The following NLGN1 variants were observed in gnomAD, a reference collection of about 807,000 sequenced individuals.
NLGN1 encodes neuroligin-1.
NLGN1 carries 12 observed loss-of-function variants against 65.5 expected under a neutral mutation model. That is an observed-to-expected ratio of 0.18 (90% CI 0.12 to 0.30). NLGN1 has a LOEUF of 0.30. NLGN1 is among the 10% of genes least tolerant of loss of function. The probability of loss-of-function intolerance (pLI) is 1.00; values close to 1 mark genes in which losing one functional copy is unlikely to be tolerated. For synonymous variants in NLGN1, 350 were observed against 359.5 expected (o/e 0.97, Z 0.30); for missense variants, 750 against 1,007.1 (o/e 0.74, Z 3.46).
chr3:173,997,383 C>G (rs999603384), intron 4 of NLGN1, among the ~76,000 whole-genome samples: 5 of 152,236 alleles, frequency 3.3e-5, no homozygotes, highest in African/African-American at 1.2e-4. Context: ...GATTCTGCAT[C>G]TTTCAAATAT....
chr3:174,291,011 G>A, downstream of NLGN1, among the ~76,000 whole-genome samples: 1 of 148,710 alleles, frequency 6.7e-6, no homozygotes. Context: ...ACTCAAGAAA[G>A]AATTATAAAT....
At chr3:173,583,380 G>GTGTT (rs1746702926) in intron 2 of NLGN1, among the ~76,000 whole-genome samples, 1 of 152,180 alleles carries the variant, frequency 6.6e-6, no homozygotes. Context: ...TTACCCCTTA[G>GTGTT]TGTTAATAGA....
In NLGN1 at chr3:173,749,678, A is replaced by T. The variant is rs570975474; in HGVS notation, c.494-58002A>T. Among the ~76,000 whole-genome samples, 8 of 152,234 alleles carry T rather than the reference A, an allele frequency of 5.3e-5. No homozygotes were observed. The East Asian group carries it at 5.8e-4, about 11-fold the overall frequency. On this transcript the variant is annotated intron_variant, in intron 3 of 6. Coordinates refer to ENST00000457714, the Ensembl canonical transcript of NLGN1. Reference sequence around the variant, plus strand: ...TAAATAGTGCTTCTAACCAAAAAAAAAATAATATTAACATATACACATACA... The same window carrying T: ...TAAATAGTGCTTCTAACCAAAAAAATAATAATATTAACATATACACATACA...
chr3:174,286,914 AAAG>A (rs1489690328), downstream of NLGN1, among the ~76,000 whole-genome samples: 2 of 151,512 alleles, frequency 1.3e-5, no homozygotes, highest in African/African-American at 4.8e-5. Context: ...AAGAATGGAA[AAAG>A]GAGGAAGTGA....
At chr3:173,543,933 A>G (rs1439439302) in intron 2 of NLGN1, among the ~76,000 whole-genome samples, 3 of 152,186 alleles carry the variant, frequency 2.0e-5, no homozygotes, top group African/African-American at 7.2e-5. Flanking sequence ...GATAGAAGTC[A>G]GGGAAGACTT....
rs190029284 is a variant in NLGN1 at position 174,069,720 on chromosome 3, A to G, written c.647-205595A>G. ...CAACTTCTGCCCTGAATGTAAAAAG[A>G]AGATGAGGAAATCATCTCAGGGTGT... On this transcript the variant is annotated intron_variant, in intron 4 of 6. Transcript: ENST00000457714. 5.4e-4 allele frequency among the ~76,000 whole-genome samples: 82 copies of G among 152,286 alleles called. 1 individual carries two copies. Among genetic ancestry groups the G allele is most frequent in the African/African-American group, 1.8e-3 (75 of 41,578 alleles).
At chr3:173,668,673 G>C (rs1296878478) in intron 3 of NLGN1, among the ~76,000 whole-genome samples, 1 of 149,856 alleles carries the variant, frequency 6.7e-6, no homozygotes, top group African/African-American at 2.5e-5. Flanking sequence ...AGGCTGGATG[G>C]AGTGCAGTGG....
intron 4 of NLGN1, among the ~76,000 whole-genome samples, chr3:173,980,416 T>A (rs951057548): frequency 1.3e-5 from 2 of 152,144 alleles, no homozygotes; most frequent in Non-Finnish European, 2.9e-5. Flanking sequence ...TTTATGTCTA[T>A]CATTTTTAAT....
exon 5 of NLGN1, chr3:174,275,454 T>G: frequency 6.2e-7 from 1 of 1,612,692 alleles, no homozygotes; most frequent in Non-Finnish European, 8.5e-7. Context: ...GATCTGGTGC[T>G]GGGGGTTCAT....
intron 2 of NLGN1, among the ~76,000 whole-genome samples, chr3:173,461,391 A>G (rs538188931): frequency 2.0e-5 from 3 of 152,078 alleles, no homozygotes; most frequent in South Asian, 4.2e-4. Flanking sequence ...TTAATCATGC[A>G]CTATGCTAAA....
At chr3:174,035,747 T>C (rs1272093030) in intron 4 of NLGN1, among the ~76,000 whole-genome samples, 1 of 152,172 alleles carries the variant, frequency 6.6e-6, no homozygotes, top group African/African-American at 2.4e-5. Flanking sequence ...CAGGTTCTTG[T>C]AGCCAGTGAT....
At chr3:174,237,852 T>TGGCCACA (rs1477393068) in intron 4 of NLGN1, among the ~76,000 whole-genome samples, 5 of 152,140 alleles carry the variant, frequency 3.3e-5, no homozygotes, top group Admixed American at 6.5e-5. Flanking sequence ...CCACCACGCC[T>TGGCCACA]GGCCAGGATA....
intron 4 of NLGN1, among the ~76,000 whole-genome samples, chr3:174,038,586 A>T (rs1425826452): frequency 6.6e-6 from 1 of 152,136 alleles, no homozygotes; most frequent in Non-Finnish European, 1.5e-5. Flanking sequence ...TTCTTTAAGG[A>T]TTGTTCAGAA....
intron 4 of NLGN1, among the ~76,000 whole-genome samples, chr3:173,958,170 C>T (rs1240491095): frequency 6.6e-6 from 1 of 152,204 alleles, no homozygotes; most frequent in Non-Finnish European, 1.5e-5. Flanking sequence ...CTTCTTGTCA[C>T]CCGCAACATA....
At chr3:173,478,229 AG>A (rs1576884107) in intron 2 of NLGN1, among the ~76,000 whole-genome samples, 2 of 152,352 alleles carry the variant, frequency 1.3e-5, no homozygotes, top group East Asian at 3.9e-4. Flanking sequence ...AGGCATCAAA[AG>A]AATGAGATCA....
At chr3:173,436,952 C>T (rs1718248054) in intron 2 of NLGN1, among the ~76,000 whole-genome samples, 1 of 152,184 alleles carries the variant, frequency 6.6e-6, no homozygotes, top group Non-Finnish European at 1.5e-5. Flanking sequence ...TTGTCATTCC[C>T]TTGGTGCTGC....
intron 4 of NLGN1, among the ~76,000 whole-genome samples, chr3:174,072,319 G>A (rs967535356): frequency 3.9e-5 from 6 of 152,158 alleles, no homozygotes; most frequent in African/African-American, 7.2e-5. Context: ...GAAGGAAGCA[G>A]AGGATAAGAT....
At chr3:173,416,947 A>C (rs1172150375) in intron 1 of NLGN1, among the ~76,000 whole-genome samples, 1 of 152,158 alleles carries the variant, frequency 6.6e-6, no homozygotes, top group Non-Finnish European at 1.5e-5. Context: ...CCATGATCAA[A>C]CTGTAATATT....
At chr3:173,398,444 A>G (rs987338004), upstream of NLGN1, 2 of 152,186 alleles carry the variant, frequency 1.3e-5, no homozygotes, top group African/African-American at 4.8e-5. Context: ...CCAAACATTT[A>G]AACCGTTCTC....
Sources: allele counts gnomAD v4.1 joint callset (sites outside exome capture counted in the v4.1 genomes callset), GRCh38; gene constraint gnomAD v4.1.1; transcripts MANE v1.5; gene names NCBI Gene and HGNC (gene_info 2026-07-23, HGNC 2026-07-21).